Variants in HPSE2 observed in about 807,000 individuals in gnomAD.
HPSE2 encodes heparanase 2 (inactive), also known as inactive heparanase-2.
In HPSE2, 38 loss-of-function variants were observed where a neutral mutation model predicts 60.5. The observed-to-expected ratio is 0.63, with a 90% CI of 0.48 to 0.82. The LOEUF is 0.82. Ranked by LOEUF, HPSE2 falls within the 40% of genes least tolerant of loss-of-function variation. The pLI is 0.00. For synonymous variants in HPSE2, 295 were observed against 293.2 expected (o/e 1.01, Z -0.06); for missense variants, 713 against 740.4 (o/e 0.96, Z 0.43).
At chr10:98,582,284 G>A (rs1263171098) in intron 9 of HPSE2, among the ~76,000 whole-genome samples, 1 of 152,184 alleles carries the variant, frequency 6.6e-6, no homozygotes, top group Non-Finnish European at 1.5e-5. Context: ...ATGTTTTACT[G>A]AAATGGAACA....
chr10:99,159,946 GC>G, intron 2 of HPSE2, among the ~76,000 whole-genome samples: 1 of 151,994 alleles, frequency 6.6e-6, no homozygotes, highest in African/African-American at 2.4e-5. Context: ...CTCAAGACCA[GC>G]CTGGCCAACA....
intron 3 of HPSE2, among the ~76,000 whole-genome samples, chr10:98,789,326 C>T (rs991818442): frequency 1.2e-4 from 19 of 152,134 alleles, no homozygotes; most frequent in African/African-American, 4.3e-4. Context: ...TTGGAACAGT[C>T]GTAGTTGAAA....
At chr10:99,049,673 T>C (rs1020457968) in intron 3 of HPSE2, among the ~76,000 whole-genome samples, 1 of 151,988 alleles carries the variant, frequency 6.6e-6, no homozygotes, top group East Asian at 1.9e-4. Flanking sequence ...CCAGCAAAAG[T>C]ATACTACAAA....
intron 3 of HPSE2, among the ~76,000 whole-genome samples, chr10:99,080,150 G>A (rs1295091931): frequency 6.6e-6 from 1 of 152,152 alleles, no homozygotes; most frequent in East Asian, 1.9e-4. Flanking sequence ...AGATGTGTTT[G>A]TGCAGGAAAG....
At chr10:99,215,381 A>G (rs548875070) in intron 2 of HPSE2, among the ~76,000 whole-genome samples, 2 of 152,332 alleles carry the variant, frequency 1.3e-5, no homozygotes, top group East Asian at 1.9e-4. Flanking sequence ...CAAACACTGC[A>G]TGTTCTCACT....
chr10:98,804,119 T>C (rs1475263167), intron 3 of HPSE2, among the ~76,000 whole-genome samples: 2 of 152,216 alleles, frequency 1.3e-5, no homozygotes, highest in Non-Finnish European at 2.9e-5. Flanking sequence ...TTTGGCCCTC[T>C]GTTTATCTGT....
intron 3 of HPSE2, among the ~76,000 whole-genome samples, chr10:98,862,523 C>T (rs1202511717): frequency 6.6e-6 from 1 of 152,106 alleles, no homozygotes; most frequent in Admixed American, 6.6e-5. Flanking sequence ...AAAATAGTCA[C>T]CCTTTTAAGG....
At chr10:98,960,630 C>T (rs1034646381) in intron 3 of HPSE2, among the ~76,000 whole-genome samples, 1 of 149,678 alleles carries the variant, frequency 6.7e-6, no homozygotes, top group Non-Finnish European at 1.5e-5. Flanking sequence ...TCTATAATTC[C>T]ACAGCCTTGT....
chr10:98,632,065 A>G (rs1368336949), intron 7 of HPSE2, among the ~76,000 whole-genome samples: 1 of 152,166 alleles, frequency 6.6e-6, no homozygotes, highest in African/African-American at 2.4e-5. Context: ...TAAAATAAAT[A>G]GTTGATAAGT....
At chr10:98,463,841 G>A (rs1397188853) in intron 11 of HPSE2, among the ~76,000 whole-genome samples, 3 of 152,052 alleles carry the variant, frequency 2.0e-5, no homozygotes, top group East Asian at 1.9e-4. Context: ...TTTTCAGGCC[G>A]AGTGCGGTGG....
At chr10:99,047,967 C>T (rs530778367) in intron 3 of HPSE2, 152 of 721,846 alleles carry the variant, frequency 2.1e-4, no homozygotes, top group Non-Finnish European at 3.0e-4. Context: ...AAGATGTTTC[C>T]GTTTCTTTGC....
rs535741558 is a variant in HPSE2, at chr10:99,059,835, C to A, written c.610+84403G>T. The stretch of plus-strand genomic sequence containing the variant: ...AGCTGATAGAGCTAATAAATATGGT[C>A]TTGCTCTTAAAAAATGTACAGTCTA... On this transcript the variant is annotated intron_variant, in intron 3 of 11. Coordinates refer to ENST00000370552, the MANE Select transcript of HPSE2 (RefSeq NM_021828.5). Among the ~76,000 whole-genome samples the A allele has an allele frequency of 2.0e-5, 3 of 152,178 alleles. No homozygotes were observed. The South Asian group carries it at 6.2e-4, about 32-fold the overall frequency.
At chr10:98,597,491 C>G (rs1220671046) in intron 9 of HPSE2, among the ~76,000 whole-genome samples, 1 of 145,328 alleles carries the variant, frequency 6.9e-6, no homozygotes, top group Non-Finnish European at 1.5e-5. Flanking sequence ...ATGGTGAAAC[C>G]CTGTTTCTAC....
At chr10:99,234,992 T>A (rs750218380) in intron 1 of HPSE2, among the ~76,000 whole-genome samples, 13 of 152,148 alleles carry the variant, frequency 8.5e-5, no homozygotes, top group Non-Finnish European at 1.6e-4. Flanking sequence ...CTGCTTAAAT[T>A]CGTTTTCTGA....
intron 4 of HPSE2, among the ~76,000 whole-genome samples, chr10:98,739,283 G>T (rs1046446528): frequency 1.3e-5 from 2 of 152,002 alleles, no homozygotes; most frequent in African/African-American, 4.8e-5. Flanking sequence ...GAGAACATAT[G>T]GGCACAGGGA....
rs72831949 is a variant in HPSE2 at position 98,623,341 on chromosome 10, G to A, written c.1099-2633C>T. On this transcript the variant is annotated intron_variant, in intron 7 of 11. Coordinates refer to ENST00000370552, the MANE Select transcript of HPSE2 (RefSeq NM_021828.5). ...GAAGAAGAGGAAGTTTAAGATGGGA[G>A]GGGGAAAGGAGAGTGATTGCTAATC... 6.9e-3 allele frequency among the ~76,000 whole-genome samples: 1,056 copies of A among 152,162 alleles called. 8 individuals carry two copies. Among genetic ancestry groups the A allele is most frequent in the South Asian group, 0.027 (131 of 4,808 alleles).
the HPSE2 span, among the ~76,000 whole-genome samples, chr10:99,257,448 G>A: frequency 1.3e-5 from 2 of 152,130 alleles, no homozygotes; most frequent in African/African-American, 4.8e-5. Context: ...GGCCGCTTCG[G>A]GGGGCAGCTG....
chr10:99,178,113 A>G (rs987946859), intron 2 of HPSE2, among the ~76,000 whole-genome samples: 15 of 152,006 alleles, frequency 9.9e-5, no homozygotes, highest in Non-Finnish European at 2.1e-4. Flanking sequence ...GGACACAGCT[A>G]AAGCAGTGTT....
At position 98,794,738 on chromosome 10, in the gene HPSE2, G is replaced by C. The variant is rs554167443; in HGVS notation, c.611-50682C>G. Among the ~76,000 whole-genome samples the C allele has an allele frequency of 4.6e-5, 7 of 152,192 alleles. No homozygotes were observed. The East Asian group carries it at 1.4e-3, about 29-fold the overall frequency. On this transcript the variant is annotated intron_variant, in intron 3 of 11. Transcript: ENST00000370552. ...TTATCCTTTTCAATATAGCATATCA[G>C]GAGAGGTACAGAGTGTCACCTTGTT...
Sources: allele counts gnomAD v4.1 joint callset (sites outside exome capture counted in the v4.1 genomes callset), GRCh38; gene constraint gnomAD v4.1.1; transcripts MANE v1.5; gene names NCBI Gene and HGNC (gene_info 2026-07-23, HGNC 2026-07-21).